GPR158: variants seen among roughly 807,000 people sequenced by gnomAD.
The protein encoded by GPR158 is G protein-coupled receptor 158.
GPR158 carries 30 observed loss-of-function variants against 78.2 expected under a neutral mutation model. That is an observed-to-expected ratio of 0.38 (90% CI 0.29 to 0.52). The LOEUF is 0.52. Among genes scored for constraint, GPR158 ranks in the 20% least tolerant of loss-of-function variants. The probability of loss-of-function intolerance (pLI) is 0.83; values close to 1 mark genes in which losing one functional copy is unlikely to be tolerated. For missense variants in GPR158, 1,463 were observed against 1,523.5 expected, an observed-to-expected ratio of 0.96 and a Z score of 0.66; for synonymous variants, 581 against 591.1, an observed-to-expected ratio of 0.98 and a Z score of 0.25.
At chr10:25,203,269 T>G (rs939722166) in intron 1 of GPR158, among the ~76,000 whole-genome samples, 2 of 152,196 alleles carry the variant, frequency 1.3e-5, no homozygotes, top group African/African-American at 4.8e-5. Context: ...TAGATCCCAT[T>G]TGTCAATTCT....
At chr10:25,566,181 A>G (rs935087451) in intron 6 of GPR158, among the ~76,000 whole-genome samples, 1 of 152,222 alleles carries the variant, frequency 6.6e-6, no homozygotes, top group Admixed American at 6.5e-5. Context: ...TGCTGGTCAC[A>G]GAAAAATGGG....
intron 2 of GPR158, among the ~76,000 whole-genome samples, chr10:25,342,080 A>G (rs1303731519): frequency 6.6e-6 from 1 of 151,856 alleles, no homozygotes; most frequent in East Asian, 1.9e-4. Context: ...TCTAACATAC[A>G]CGCTTGCCTG....
intron 5 of GPR158, among the ~76,000 whole-genome samples, chr10:25,480,843 C>G (rs899970874): frequency 6.6e-6 from 1 of 152,144 alleles, no homozygotes; most frequent in Non-Finnish European, 1.5e-5. Context: ...TCAGGAGATA[C>G]TCTTTTATCC....
chr10:25,342,775 C>CTT (rs778192834), intron 2 of GPR158, among the ~76,000 whole-genome samples: 8 of 138,288 alleles, frequency 5.8e-5, no homozygotes, highest in African/African-American at 7.9e-5. Context: ...GGACTAAGTT[C>CTT]TTTTTTTTTT....
rs767651286 is a variant in GPR158, at chr10:25,229,034, C to CAAAA, written c.1008+7891_1008+7894dup. Reference sequence around the variant, plus strand: ...TGGGTGACAGAGCGAGACTCAATGTCAAAAAAAAAAAAAAAAAGATGATTT... The same window carrying CAAAA: ...TGGGTGACAGAGCGAGACTCAATGTCAAAAAAAAAAAAAAAAAAAAAGATGATTT... On this transcript the variant is annotated intron_variant, in intron 2 of 10. Transcript: ENST00000376351. Among the ~76,000 whole-genome samples, 13 of 88,734 alleles carry CAAAA rather than the reference C, an allele frequency of 1.5e-4. No homozygotes were observed. In the South Asian group the frequency reaches 2.5e-3, roughly 17 times the overall value. 58.2% of individuals were successfully genotyped at this position (88,734 alleles called of 152,430 possible).
chr10:25,481,514 T>G (rs1428775221), intron 5 of GPR158, among the ~76,000 whole-genome samples: 1 of 152,282 alleles, frequency 6.6e-6, no homozygotes, highest in Middle Eastern at 3.4e-3. Flanking sequence ...TATGAGAAAG[T>G]TAAACCTATA....
chr10:25,258,461 C>A (rs527422769), intron 2 of GPR158, among the ~76,000 whole-genome samples: 93 of 152,188 alleles, frequency 6.1e-4, no homozygotes, highest in African/African-American at 2.2e-3. Flanking sequence ...TTTCACAAAC[C>A]TTTTCCTTTA....
chr10:25,364,178 A>G (rs1164472206), intron 2 of GPR158, among the ~76,000 whole-genome samples: 1 of 151,920 alleles, frequency 6.6e-6, no homozygotes, highest in African/African-American at 2.4e-5. Flanking sequence ...TTCCATTGCT[A>G]TTAATATAGC....
intron 2 of GPR158, among the ~76,000 whole-genome samples, chr10:25,370,816 G>C (rs902799947): frequency 6.6e-6 from 1 of 151,260 alleles, no homozygotes; most frequent in African/African-American, 2.4e-5. Flanking sequence ...TCTCTTTGTA[G>C]GTCACTCAGG....
chr10:25,371,310 T>A (rs1233802045), intron 2 of GPR158, among the ~76,000 whole-genome samples: 1 of 151,992 alleles, frequency 6.6e-6, no homozygotes, highest in Non-Finnish European at 1.5e-5. Flanking sequence ...CTGGTACCAG[T>A]TGTTCCTTTC....
At chr10:25,235,026 T>C (rs771372463) in intron 2 of GPR158, among the ~76,000 whole-genome samples, 1 of 152,226 alleles carries the variant, frequency 6.6e-6, no homozygotes, top group Non-Finnish European at 1.5e-5. Context: ...AGGGTTCTCT[T>C]TAAATAGGTA....
chr10:25,243,553 TC>T (rs922944206), intron 2 of GPR158, among the ~76,000 whole-genome samples: 3 of 152,184 alleles, frequency 2.0e-5, no homozygotes, highest in Non-Finnish European at 4.4e-5. Flanking sequence ...CAAGCATTTT[TC>T]CAAACTAGAT....
At chr10:25,566,139 A>G in intron 6 of GPR158, among the ~76,000 whole-genome samples, 1 of 152,314 alleles carries the variant, frequency 6.6e-6, no homozygotes, top group East Asian at 1.9e-4. Context: ...GTATGTTTAC[A>G]AGGAATTGGA....
At chr10:25,371,062 C>G (rs1171468165) in intron 2 of GPR158, among the ~76,000 whole-genome samples, 4 of 148,098 alleles carry the variant, frequency 2.7e-5, no homozygotes, top group Admixed American at 6.8e-5. Flanking sequence ...CTATGTGTGT[C>G]TCTGCATGTG....
At chr10:25,552,227 A>G (rs1836735757) in intron 6 of GPR158, among the ~76,000 whole-genome samples, 1 of 152,186 alleles carries the variant, frequency 6.6e-6, no homozygotes, top group Non-Finnish European at 1.5e-5. Context: ...TGTTTCCTAC[A>G]AAAGGAGAGA....
At chr10:25,370,861 G>C (rs1462883713) in intron 2 of GPR158, among the ~76,000 whole-genome samples, 3 of 151,782 alleles carry the variant, frequency 2.0e-5, no homozygotes, top group African/African-American at 7.3e-5. Flanking sequence ...CCTGTATTGG[G>C]TACATATATA....
chr10:25,457,442 C>CTT (rs34488146), intron 4 of GPR158, among the ~76,000 whole-genome samples: 3 of 150,290 alleles, frequency 2.0e-5, no homozygotes, highest in South Asian at 2.1e-4. Context: ...CTTCTGTATG[C>CTT]TTTTTTTTTC....
intron 2 of GPR158, among the ~76,000 whole-genome samples, chr10:25,293,680 C>G (rs1274692401): frequency 1.3e-5 from 2 of 151,804 alleles, no homozygotes; most frequent in African/African-American, 4.8e-5. Flanking sequence ...TTTCCTTGAT[C>G]ATATGGATCA....
rs984303190 is a variant in GPR158 at position 25,580,972 on chromosome 10, C to T, written c.1754-8035C>T. ...TCGCTCTGTTGCCCAGGCCAGACTG[C>T]GGACTGCAGTGGCGCAATCTCGGCT... On this transcript the variant is annotated intron_variant, in intron 7 of 10. Coordinates refer to ENST00000376351, the MANE Select transcript of GPR158 (RefSeq NM_020752.3). Among the ~76,000 whole-genome samples, 14 of 126,618 alleles carry T rather than the reference C, an allele frequency of 1.1e-4. 1 individual carries two copies. Among genetic ancestry groups the T allele is most frequent in the African/African-American group, 3.8e-4 (12 of 31,578 alleles). 83.1% of individuals were successfully genotyped at this position (126,618 alleles called of 152,430 possible).
Sources: allele counts gnomAD v4.1 joint callset (sites outside exome capture counted in the v4.1 genomes callset), GRCh38; gene constraint gnomAD v4.1.1; transcripts MANE v1.5; gene names NCBI Gene and HGNC (gene_info 2026-07-23, HGNC 2026-07-21).